LOC128125817: variants seen among roughly 807,000 people sequenced by gnomAD.
the LOC128125817 span, among the ~76,000 whole-genome samples, chr1:41,597,126 C>A: frequency 2.0e-5 from 3 of 152,094 alleles, no homozygotes; most frequent in South Asian, 6.2e-4. Flanking sequence ...AATTTCTGCA[C>A]ACTGGTCAAA....
the LOC128125817 span, among the ~76,000 whole-genome samples, chr1:41,587,178 A>T: frequency 6.6e-6 from 1 of 152,194 alleles, no homozygotes; most frequent in Non-Finnish European, 1.5e-5. Flanking sequence ...GAGATCATTT[A>T]TGTCTTCAAT....
At chr1:41,620,485 C>A in the LOC128125817 span, among the ~76,000 whole-genome samples, 2 of 152,170 alleles carry the variant, frequency 1.3e-5, no homozygotes, top group South Asian at 4.2e-4. Flanking sequence ...TCTGACTCTT[C>A]CATCCAAGCT....
At chr1:41,587,021 A>G in the LOC128125817 span, among the ~76,000 whole-genome samples, 5 of 152,128 alleles carry the variant, frequency 3.3e-5, no homozygotes, top group African/African-American at 1.2e-4. Context: ...ATTCAGCTAT[A>G]TATTTATATA....
chr1:41,619,015 GC>G, the LOC128125817 span, among the ~76,000 whole-genome samples: 1 of 144,796 alleles, frequency 6.9e-6, no homozygotes, highest in East Asian at 2.0e-4. Flanking sequence ...TGCTGCCCCC[GC>G]CCCCTCCAGG....
chr1:41,593,282 C>T, the LOC128125817 span, among the ~76,000 whole-genome samples: 1 of 152,144 alleles, frequency 6.6e-6, no homozygotes, highest in Non-Finnish European at 1.5e-5. Flanking sequence ...TTCTTCCCGA[C>T]GTCCTAATGT....
chr1:41,628,379 A>G, the LOC128125817 span, among the ~76,000 whole-genome samples: 335 of 152,310 alleles, frequency 2.2e-3, 12 homozygotes, highest in South Asian at 0.05. Context: ...ACCTCTGGCT[A>G]TCAGGAGCAC....
At chr1:41,607,988 G>A in the LOC128125817 span, among the ~76,000 whole-genome samples, 26 of 152,300 alleles carry the variant, frequency 1.7e-4, no homozygotes, top group East Asian at 2.3e-3. Flanking sequence ...CAGCTCACAC[G>A]AGCCCATGGC....
the LOC128125817 span, among the ~76,000 whole-genome samples, chr1:41,601,468 TC>T: frequency 1.3e-5 from 2 of 152,150 alleles, no homozygotes; most frequent in African/African-American, 4.8e-5. Context: ...GTCTTTCATT[TC>T]CTTAGCTAAG....
At chr1:41,587,644 C>T in the LOC128125817 span, among the ~76,000 whole-genome samples, 2,070 of 152,288 alleles carry the variant, frequency 0.014, 61 homozygotes, top group African/African-American at 0.046. Context: ...AAAGTTACAC[C>T]GTGATCTTCT....
the LOC128125817 span, among the ~76,000 whole-genome samples, chr1:41,599,600 C>T: frequency 6.6e-6 from 1 of 152,032 alleles, no homozygotes; most frequent in African/African-American, 2.4e-5. Flanking sequence ...GAATCAAAGA[C>T]CTAAACTCAG....
At chr1:41,623,376 G>C in the LOC128125817 span, among the ~76,000 whole-genome samples, 6 of 152,210 alleles carry the variant, frequency 3.9e-5, no homozygotes, top group East Asian at 1.9e-4. Flanking sequence ...GTGGGAGAGA[G>C]AGCACTAAGC....
the LOC128125817 span, among the ~76,000 whole-genome samples, chr1:41,610,051 C>A: frequency 2.6e-5 from 4 of 152,214 alleles, no homozygotes; most frequent in Admixed American, 6.5e-5. Context: ...TGCAGACTAC[C>A]TTTAGCCTTG....
At chr1:41,592,404 G>A in the LOC128125817 span, among the ~76,000 whole-genome samples, 1 of 152,206 alleles carries the variant, frequency 6.6e-6, no homozygotes, top group African/African-American at 2.4e-5. Context: ...CCAGGTGACA[G>A]TGTGGCCAAC....
the LOC128125817 span, among the ~76,000 whole-genome samples, chr1:41,605,604 C>G: frequency 6.6e-6 from 1 of 151,576 alleles, no homozygotes; most frequent in Admixed American, 6.6e-5. Flanking sequence ...AACAGGTTCC[C>G]AGTACAGGTT....
At chr1:41,607,668 G>T in the LOC128125817 span, among the ~76,000 whole-genome samples, 1 of 150,954 alleles carries the variant, frequency 6.6e-6, no homozygotes, top group Non-Finnish European at 1.5e-5. Flanking sequence ...GGTGATTTTG[G>T]TTATCCAATA....
chr1:41,622,905 G>A, the LOC128125817 span, among the ~76,000 whole-genome samples: 3 of 152,226 alleles, frequency 2.0e-5, no homozygotes, highest in African/African-American at 7.2e-5. Context: ...ACTGGGCTGT[G>A]CCCTTTACAC....
the LOC128125817 span, among the ~76,000 whole-genome samples, chr1:41,588,587 G>C: frequency 6.6e-6 from 1 of 152,002 alleles, no homozygotes; most frequent in African/African-American, 2.4e-5. Context: ...TGACTACAGG[G>C]CCAGCACTGC....
chr1:41,585,390 G>A, the LOC128125817 span: 2 of 398,520 alleles, frequency 5.0e-6, no homozygotes, highest in East Asian at 3.6e-5. Context: ...TGGGACTCAT[G>A]CACAGCCTGG....
the LOC128125817 span, among the ~76,000 whole-genome samples, chr1:41,593,301 T>G: frequency 1.3e-5 from 2 of 152,254 alleles, no homozygotes; most frequent in African/African-American, 2.4e-5. Flanking sequence ...GTATTTATAT[T>G]GATCTGCGAC....
Sources: gnomAD v4.1 joint callset for allele counts (sites outside exome capture counted in the v4.1 genomes callset) on GRCh38, gnomAD v4.1.1 for gene constraint, MANE v1.5 for transcripts.